Variants in MAPDA observed in about 807,000 individuals in gnomAD.
The protein encoded by MAPDA is N6,N6-dimethyl-AMP deaminase.
the MAPDA span, chr15:43,343,152 A>G: frequency 7.7e-6 from 8 of 1,043,692 alleles, no homozygotes. Flanking sequence ...CATGGGTGTA[A>G]TGGATTTTTT....
chr15:43,351,191 T>G, the MAPDA span: 1 of 694,800 alleles, frequency 1.4e-6, no homozygotes, highest in Non-Finnish European at 2.4e-6. Flanking sequence ...CTGAGTATGG[T>G]GGCGCACACC....
the MAPDA span, chr15:43,333,382 C>T: frequency 6.6e-6 from 1 of 150,632 alleles, no homozygotes; most frequent in African/African-American, 2.5e-5. Flanking sequence ...TGACACTGCA[C>T]TCCAGCCTGG....
the MAPDA span, chr15:43,346,040 C>G: frequency 3.1e-6 from 5 of 1,601,068 alleles, no homozygotes; most frequent in African/African-American, 4.0e-5. Flanking sequence ...GGGATAAGGA[C>G]TAGCTTCGGG....
At chr15:43,347,117 C>G in the MAPDA span, 5 of 1,580,786 alleles carry the variant, frequency 3.2e-6, no homozygotes, top group Non-Finnish European at 4.3e-6. Flanking sequence ...TTGTCTTAGG[C>G]TAGAAGGGAC....
At chr15:43,346,084 GA>G in the MAPDA span, 871 of 1,470,522 alleles carry the variant, frequency 5.9e-4, 13 homozygotes, top group South Asian at 0.01. Context: ...GTGTCCAACA[GA>G]CACTCCATTC....
chr15:43,343,457 C>T, the MAPDA span, among the ~76,000 whole-genome samples: 3 of 152,136 alleles, frequency 2.0e-5, no homozygotes, highest in Non-Finnish European at 4.4e-5. Context: ...AGACTGTTCC[C>T]CTTCAGCACC....
chr15:43,339,990 G>A, the MAPDA span, among the ~76,000 whole-genome samples: 2 of 152,162 alleles, frequency 1.3e-5, no homozygotes, highest in Admixed American at 6.5e-5. Flanking sequence ...GGAAATAAAT[G>A]TTTAAAAGGG....
the MAPDA span, among the ~76,000 whole-genome samples, chr15:43,337,200 C>T: frequency 3.4e-4 from 50 of 145,656 alleles, no homozygotes; most frequent in Admixed American, 3.4e-3. Flanking sequence ...GATGTGAACC[C>T]GGGAGGTGGA....
chr15:43,350,193 G>A, the MAPDA span, among the ~76,000 whole-genome samples: 1 of 151,780 alleles, frequency 6.6e-6, no homozygotes, highest in Non-Finnish European at 1.5e-5. Flanking sequence ...AGCCTCCTGA[G>A]TAGCTGGGAC....
the MAPDA span, chr15:43,335,670 T>A: frequency 6.3e-7 from 1 of 1,578,916 alleles, no homozygotes. Context: ...GGATATTTGA[T>A]AAGTTTTACT....
the MAPDA span, chr15:43,336,619 G>T: frequency 6.4e-7 from 1 of 1,563,042 alleles, no homozygotes; most frequent in Non-Finnish European, 8.6e-7. Flanking sequence ...TTTCATTCAT[G>T]TTGCAGATGT....
the MAPDA span, among the ~76,000 whole-genome samples, chr15:43,334,694 G>T: frequency 8.6e-6 from 1 of 115,978 alleles, no homozygotes; most frequent in South Asian, 2.9e-4. Context: ...ATAAAATTTT[G>T]AATTTTTGAA....
At chr15:43,336,949 C>T in the MAPDA span, among the ~76,000 whole-genome samples, 1 of 152,042 alleles carries the variant, frequency 6.6e-6, no homozygotes, top group African/African-American at 2.4e-5. Flanking sequence ...AAATTTGGTC[C>T]TGTTTTTCAT....
the MAPDA span, among the ~76,000 whole-genome samples, chr15:43,340,717 A>C: frequency 2.0e-5 from 3 of 152,180 alleles, no homozygotes; most frequent in African/African-American, 7.2e-5. Context: ...AGTTATTCTT[A>C]AGTAAAAAGT....
chr15:43,348,612 T>G, the MAPDA span, among the ~76,000 whole-genome samples: 4 of 152,218 alleles, frequency 2.6e-5, no homozygotes, highest in Non-Finnish European at 2.9e-5. Flanking sequence ...CAGCTTTAAT[T>G]TCTTCATCTT....
chr15:43,340,355 A>G, the MAPDA span: 4 of 1,611,442 alleles, frequency 2.5e-6, no homozygotes, highest in East Asian at 6.7e-5. Context: ...TGCTACTGGT[A>G]GAATTTATAC....
the MAPDA span, among the ~76,000 whole-genome samples, chr15:43,338,556 T>G: frequency 1.3e-5 from 2 of 152,262 alleles, no homozygotes; most frequent in African/African-American, 4.8e-5. Flanking sequence ...GAGCTCATGC[T>G]CTTTCCCATT....
At chr15:43,339,189 G>A in the MAPDA span, among the ~76,000 whole-genome samples, 3 of 152,214 alleles carry the variant, frequency 2.0e-5, no homozygotes, top group Admixed American at 6.5e-5. Flanking sequence ...ATGGCATGGA[G>A]GCTGCAGTAT....
the MAPDA span, chr15:43,335,856 C>CT: frequency 6.3e-7 from 1 of 1,589,110 alleles, no homozygotes. Context: ...GGACATACTC[C>CT]TTTTTTTCTC....
Sources: allele counts gnomAD v4.1 joint callset (sites outside exome capture counted in the v4.1 genomes callset), GRCh38; gene constraint gnomAD v4.1.1; transcripts MANE v1.5; gene names NCBI Gene and HGNC (gene_info 2026-07-23, HGNC 2026-07-21).